The following GNA13 variants were observed in gnomAD, a reference collection of about 807,000 sequenced individuals.
The protein encoded by GNA13 is G protein subunit alpha 13.
Under a neutral mutation model 33.5 loss-of-function variants are expected in GNA13, and 4 were observed. The ratio of observed to expected loss-of-function variants is 0.12; its 90% CI spans 0.06 to 0.27. GNA13 has a LOEUF of 0.27. Ranked by LOEUF, GNA13 falls within the 10% of genes least tolerant of loss-of-function variation. The pLI is 1.00. For missense variants in GNA13, 319 were observed against 487.2 expected (o/e 0.65, Z 3.25); for synonymous variants, 176 against 183.8 (o/e 0.96, Z 0.34).
intron 3 of GNA13, among the ~76,000 whole-genome samples, chr17:65,016,111 G>C (rs1906359829): frequency 6.6e-6 from 1 of 152,216 alleles, no homozygotes; most frequent in Non-Finnish European, 1.5e-5. Context: ...CTTATGCAAT[G>C]TAACTGGTTC....
chr17:65,031,989 A>G (rs1169648064), intron 2 of GNA13, among the ~76,000 whole-genome samples: 2 of 151,790 alleles, frequency 1.3e-5, no homozygotes, highest in Non-Finnish European at 2.9e-5. Context: ...GCTTTTATCA[A>G]TAATTCGCAT....
intron 2 of GNA13, among the ~76,000 whole-genome samples, chr17:65,023,486 T>A (rs1309092356): frequency 6.6e-6 from 1 of 152,366 alleles, no homozygotes; most frequent in East Asian, 1.9e-4. Flanking sequence ...ACCACTATTG[T>A]TGAACGCTGA....
intron 2 of GNA13, among the ~76,000 whole-genome samples, chr17:65,038,269 G>GGCAC (rs1426436336): frequency 6.6e-6 from 1 of 152,096 alleles, no homozygotes; most frequent in Non-Finnish European, 1.5e-5. Flanking sequence ...CGGGCCTGGT[G>GGCAC]GCACGTGCCT....
At chr17:65,045,826 A>G (rs898837360) in intron 2 of GNA13, among the ~76,000 whole-genome samples, 4 of 152,218 alleles carry the variant, frequency 2.6e-5, no homozygotes, top group African/African-American at 9.6e-5. Context: ...CACTTAAAAT[A>G]ATGTGCTAAA....
At chr17:65,031,521 A>T (rs1907009524) in intron 2 of GNA13, among the ~76,000 whole-genome samples, 1 of 152,246 alleles carries the variant, frequency 6.6e-6, no homozygotes, top group Non-Finnish European at 1.5e-5. Flanking sequence ...ATCAAGTGAT[A>T]TCAGAGAAAA....
chr17:65,041,705 G>A (rs1907460387), intron 2 of GNA13, among the ~76,000 whole-genome samples: 2 of 152,102 alleles, frequency 1.3e-5, no homozygotes, highest in Non-Finnish European at 1.5e-5. Flanking sequence ...AAGGAAGAGG[G>A]GATGAAAGCA....
chr17:65,048,562 T>C (rs1251301820), intron 2 of GNA13, among the ~76,000 whole-genome samples: 1 of 152,232 alleles, frequency 6.6e-6, no homozygotes, highest in Non-Finnish European at 1.5e-5. Flanking sequence ...ATGTGAATCT[T>C]GTATTTTTCT....
Position 65,056,529 on chromosome 17 carries a change from C to T in GNA13, c.65G>A (p.Ser22Asn), listed in dbSNP as rs1313821721. ...SVCFPGCLLT[S>N]GEAEQQRKSK... ...CTTGCGTTGCTGCTCGGCCTCGCCA[C>T]TCGTCAGCAGGCAGCCGGGGAAGCA... The change falls in exon 1 of 4, where the codon AGT becomes AAT. Residue 22 changes from serine to asparagine, a missense_variant. Physicochemically the swap from Ser to Asn is conservative, Grantham distance 46 (BLOSUM62 1). Around this residue, in one of 4 missense-constraint regions of GNA13, gnomAD observed 47 missense variants for 64.7 expected, o/e 0.73. Coordinates refer to ENST00000439174, the MANE Select transcript of GNA13 (RefSeq NM_006572.6). The T allele has an allele frequency of 6.2e-7, 1 of 1,613,232 alleles. No individual in the cohort carries two copies. Among genetic ancestry groups the T allele is most frequent in the Non-Finnish European group, 8.5e-7 (1 of 1,179,818 alleles).
Position 65,013,927 on chromosome 17 carries a change from C to T in GNA13, c.*330G>A. 6.5e-6 allele frequency: 2 copies of T among 305,902 alleles called. No homozygotes were observed. The highest frequency in any genetic ancestry group is 7.4e-5 in the South Asian group (1 of 13,554). The allele number at this position is 305,902 out of a possible 1,614,324, so 18.9% of individuals were successfully genotyped here. ...ATTTAAGGACACCTTTGATACTTGG[C>T]ACTGCAGGAGAATTCAGTTTGGAAA... On this transcript the variant is annotated 3_prime_UTR_variant, in exon 4 of 4. Coordinates refer to ENST00000439174, the MANE Select transcript of GNA13 (RefSeq NM_006572.6).
rs1367373100 is a variant in GNA13, at chr17:65,014,353, G to A, written c.1038C>T (p.Phe346=). 1 of 1,613,620 alleles carries A rather than the reference G, an allele frequency of 6.2e-7. No homozygotes were observed. Among genetic ancestry groups the A allele is most frequent in the Non-Finnish European group, 8.5e-7 (1 of 1,179,638 alleles). The part of the protein sequence containing the change: ...DQQQKPLYHH[F]TTAINTENIR... ...TGTTCTCCGTGTTGATAGCAGTGGT[G>A]AAGTGGTGGTATAAGGGCTTCTGTT... Residue 346 remains phenylalanine (F), a synonymous_variant, in exon 4 of 4, where the codon TTC becomes TTT. Transcript: ENST00000439174. This position sits in a 1 kb window ranked among gnomAD's most constrained non-coding sequence, Gnocchi z 5.3.
At chr17:65,047,945 ATC>A (rs1196218014) in intron 2 of GNA13, among the ~76,000 whole-genome samples, 4 of 152,216 alleles carry the variant, frequency 2.6e-5, no homozygotes. Flanking sequence ...GAGGGAGTAA[ATC>A]TCTGTGTTAA....
At chr17:65,047,375 TGA>T (rs1907703437) in intron 2 of GNA13, among the ~76,000 whole-genome samples, 1 of 152,050 alleles carries the variant, frequency 6.6e-6, no homozygotes, top group Non-Finnish European at 1.5e-5. Context: ...TGTAACAGAG[TGA>T]GACTCTGTCT....
intron 2 of GNA13, among the ~76,000 whole-genome samples, chr17:65,029,955 A>G (rs1295981573): frequency 1.3e-5 from 2 of 152,182 alleles, no homozygotes; most frequent in African/African-American, 4.8e-5. Flanking sequence ...GATCAACTCA[A>G]ATGTACATGG....
In GNA13 at chr17:65,012,489, A is replaced by G. The variant is rs1906228572; in HGVS notation, c.*1768T>C. On this transcript the variant is annotated 3_prime_UTR_variant, in exon 4 of 4. Coordinates refer to ENST00000439174, the MANE Select transcript of GNA13 (RefSeq NM_006572.6). ...TGATACCACGAACATGCACGATACC[A>G]TGAACTTGCATCACGGTGCCGGGCT... 4.6e-6 allele frequency: 1 copy of G among 219,094 alleles called. No individual in the cohort carries two copies. Among genetic ancestry groups the G allele is most frequent in the Non-Finnish European group, 9.2e-6 (1 of 109,034 alleles). 13.6% of individuals were successfully genotyped at this position (219,094 alleles called of 1,614,324 possible).
rs192165428 is a variant in GNA13, at chr17:65,046,728, C to G, written c.510+6774G>C. 3.4e-4 allele frequency among the ~76,000 whole-genome samples: 52 copies of G among 152,314 alleles called. No homozygotes were observed. In the East Asian group the frequency reaches 6.7e-3, roughly 20 times the overall value. ...CTTTTTCCTGGGTTAGGTCCACGCT[C>G]TAGGTAAAGAGTTCTGAAACTAAAG... is the stretch of plus-strand genomic sequence containing the variant. On this transcript the variant is annotated intron_variant, in intron 2 of 3. Transcript: ENST00000439174.
intron 2 of GNA13, among the ~76,000 whole-genome samples, chr17:65,018,958 A>G (rs981441300): frequency 2.6e-5 from 4 of 152,232 alleles, no homozygotes; most frequent in Admixed American, 6.5e-5. Flanking sequence ...ACGCTTGACC[A>G]GAGCACACAG....
chr17:65,029,631 C>T (rs1906928811), intron 2 of GNA13, among the ~76,000 whole-genome samples: 1 of 152,114 alleles, frequency 6.6e-6, no homozygotes, highest in African/African-American at 2.4e-5. Context: ...CGGTTTATAC[C>T]ACTCATGGCA....
chr17:65,051,563 C>T (rs752603929), intron 2 of GNA13, among the ~76,000 whole-genome samples: 1 of 152,028 alleles, frequency 6.6e-6, no homozygotes, highest in Non-Finnish European at 1.5e-5. Context: ...GAGCCAAGAT[C>T]GCGCCACTGC....
At position 65,010,331 on chromosome 17, in the gene GNA13, A is replaced by T. The variant is rs1393597696; in HGVS notation, c.*3926T>A. 6.6e-6 allele frequency among the ~76,000 whole-genome samples: 1 copy of T among 152,062 alleles called. No homozygotes were observed. Among genetic ancestry groups the T allele is most frequent in the African/African-American group, 2.4e-5 (1 of 41,392 alleles). On this transcript the variant is annotated 3_prime_UTR_variant, in exon 4 of 4. Transcript: ENST00000439174. ...ACTTGTTTAAAATGTTCAGACTTAG[A>T]CTTACACTTCAAGATCTAGTATACA...
Sources: allele counts gnomAD v4.1 joint callset (sites outside exome capture counted in the v4.1 genomes callset), GRCh38; gene constraint gnomAD v4.1.1; regional missense constraint gnomAD v4.1.1; non-coding constraint Gnocchi (gnomAD v3.1); transcripts MANE v1.5; gene names NCBI Gene and HGNC (gene_info 2026-07-23, HGNC 2026-07-21).